RFX3: variants seen among roughly 807,000 people sequenced by gnomAD.
RFX3 encodes transcription factor RFX3.
RFX3 carries 14 observed loss-of-function variants against 98.6 expected under a neutral mutation model. That is an observed-to-expected ratio of 0.14 (90% CI 0.09 to 0.22). The LOEUF (loss-of-function observed/expected upper bound fraction) is 0.22, where lower values mean the gene tolerates loss of function less well. RFX3 is among the 10% of genes least tolerant of loss of function. The pLI, the probability that RFX3 is intolerant of heterozygous loss-of-function variation, is 1.00. For synonymous variants in RFX3, 383 were observed against 328.4 expected (o/e 1.17, Z -1.80); for missense variants, 639 against 926.9 (o/e 0.69, Z 4.03).
At chr9:3,495,343 T>C (rs1463982680) in intron 1 of RFX3, among the ~76,000 whole-genome samples, 1 of 152,086 alleles carries the variant, frequency 6.6e-6, no homozygotes, top group Non-Finnish European at 1.5e-5. Flanking sequence ...AGTGGTCAAC[T>C]GTACTGTACC....
chr9:3,475,468 T>C (rs1337938706), intron 1 of RFX3, among the ~76,000 whole-genome samples: 2 of 152,052 alleles, frequency 1.3e-5, no homozygotes, highest in Non-Finnish European at 2.9e-5. Context: ...ATGAGTCACA[T>C]GTCCACTAGA....
chr9:3,301,520 G>C (rs900393250), intron 5 of RFX3, 26 bp downstream of exon 5: 8 of 1,495,890 alleles, frequency 5.3e-6, no homozygotes, highest in Middle Eastern at 1.7e-4. Context: ...CAAGAGATTA[G>C]TGTACATGAA....
intron 2 of RFX3, 145 bp downstream of exon 2, chr9:3,395,327 G>A: frequency 1.1e-6 from 1 of 874,372 alleles, no homozygotes; most frequent in Non-Finnish European, 1.8e-6. Flanking sequence ...AAATGCTCAA[G>A]AAACATTTGC....
intron 1 of RFX3, among the ~76,000 whole-genome samples, chr9:3,481,032 T>C (rs1261234246): frequency 6.6e-6 from 1 of 152,192 alleles, no homozygotes; most frequent in East Asian, 1.9e-4. Context: ...TACATTATGT[T>C]TTGTTACTAT....
At chr9:3,489,565 G>A (rs1564168014) in intron 1 of RFX3, 1 of 224,198 alleles carries the variant, frequency 4.5e-6, no homozygotes, top group African/African-American at 2.3e-5. Context: ...GCCTGCTACT[G>A]TATCATTGGC....
intron 1 of RFX3, among the ~76,000 whole-genome samples, chr9:3,504,915 A>T (rs1262624781): frequency 2.8e-5 from 2 of 71,032 alleles, no homozygotes; most frequent in African/African-American, 7.6e-5. Context: ...TATATATATA[A>T]TATAACATAT....
chr9:3,369,129 G>C (rs1018479528), intron 2 of RFX3, among the ~76,000 whole-genome samples: 10 of 152,218 alleles, frequency 6.6e-5, no homozygotes, highest in African/African-American at 9.6e-5. Context: ...ACAGTGAAGA[G>C]TGCTGGAACT....
At chr9:3,389,573 A>G (rs956618504) in intron 2 of RFX3, among the ~76,000 whole-genome samples, 1 of 152,214 alleles carries the variant, frequency 6.6e-6, no homozygotes, top group African/African-American at 2.4e-5. Context: ...GAGTATCCCT[A>G]ATCTGAAAAT....
At chr9:3,343,798 T>C (rs528608287) in intron 3 of RFX3, among the ~76,000 whole-genome samples, 1 of 152,306 alleles carries the variant, frequency 6.6e-6, no homozygotes, top group Admixed American at 6.5e-5. Flanking sequence ...CATTATTGGC[T>C]AGAGTTGAGG....
intron 2 of RFX3, among the ~76,000 whole-genome samples, chr9:3,369,282 T>A (rs182501271): frequency 2.0e-5 from 3 of 152,214 alleles, no homozygotes; most frequent in African/African-American, 7.2e-5. Flanking sequence ...TTCTGGCTCA[T>A]AGACTGACCT....
intron 1 of RFX3, among the ~76,000 whole-genome samples, chr9:3,471,348 T>C (rs943967024): frequency 5.3e-5 from 8 of 152,226 alleles, no homozygotes; most frequent in Non-Finnish European, 1.0e-4. Flanking sequence ...TCTTGGAGAA[T>C]TTAAATCACT....
rs1209829955 is a variant in RFX3 at position 3,350,161 on chromosome 9, T to G, written c.118-3397A>C. ...GGAAAATTTCTACTTTGAAAGACAC[T>G]GTGAAGAAAATGAAAAGACAAGCCA... On this transcript the variant is annotated intron_variant, in intron 2 of 16. Transcript: ENST00000617270. Among the ~76,000 whole-genome samples, 7 of 152,162 alleles carry G rather than the reference T, an allele frequency of 4.6e-5. 1 individual carries two copies. The highest frequency in any genetic ancestry group is 4.6e-4 in the Admixed American group (7 of 15,268).
At chr9:3,252,485 G>A (rs1821549387) in intron 14 of RFX3, among the ~76,000 whole-genome samples, 1 of 152,180 alleles carries the variant, frequency 6.6e-6, no homozygotes, top group Non-Finnish European at 1.5e-5. Flanking sequence ...GCAGAAACTG[G>A]ATTGAAGTGA....
At chr9:3,385,439 A>G (rs1303870755) in intron 2 of RFX3, among the ~76,000 whole-genome samples, 1 of 152,130 alleles carries the variant, frequency 6.6e-6, no homozygotes, top group African/African-American at 2.4e-5. Flanking sequence ...GGCCGGGTGC[A>G]GTGGCTCACA....
chr9:3,355,512 T>A (rs1169139809), intron 2 of RFX3, among the ~76,000 whole-genome samples: 1 of 151,862 alleles, frequency 6.6e-6, no homozygotes, highest in African/African-American at 2.4e-5. Context: ...ATCCTACATG[T>A]CTTTGCTCCT....
At chr9:3,234,691 CA>C (rs760524847) in intron 15 of RFX3, among the ~76,000 whole-genome samples, 17 of 152,050 alleles carry the variant, frequency 1.1e-4, no homozygotes, top group Non-Finnish European at 2.1e-4. Flanking sequence ...ACCCCAAAAT[CA>C]AACCACTTCA....
rs992220656 is a variant in RFX3, at chr9:3,490,318, C to G, written c.-9+35429G>C. 2.2e-5 allele frequency: 22 copies of G among 983,848 alleles called. No individual in the cohort carries two copies. In the African/African-American group the frequency reaches 3.7e-4, roughly 16 times the overall value. The allele number at this position is 983,848 out of a possible 1,614,324, so 60.9% of individuals were successfully genotyped here. On this transcript the variant is annotated intron_variant, in intron 1 of 16. Transcript: ENST00000617270. ...AGAGCCAAACTCAACGTATTCTCTACCATAAAATGCCAGAATGACCAAGTG... is the reference window on the plus strand; with the variant it reads ...AGAGCCAAACTCAACGTATTCTCTAGCATAAAATGCCAGAATGACCAAGTG...
chr9:3,250,883 C>A (rs1451830667), intron 14 of RFX3, among the ~76,000 whole-genome samples: 1 of 151,968 alleles, frequency 6.6e-6, no homozygotes, highest in Non-Finnish European at 1.5e-5. Context: ...AATTCCTACC[C>A]CCAAGTGAAT....
At chr9:3,482,873 G>C (rs1169897284) in intron 1 of RFX3, among the ~76,000 whole-genome samples, 1 of 151,968 alleles carries the variant, frequency 6.6e-6, no homozygotes, top group African/African-American at 2.4e-5. Flanking sequence ...AAAAAATCCA[G>C]CATCACTTGG....
Sources: allele counts gnomAD v4.1 joint callset (sites outside exome capture counted in the v4.1 genomes callset), GRCh38; gene constraint gnomAD v4.1.1; transcripts MANE v1.5; gene names NCBI Gene and HGNC (gene_info 2026-07-23, HGNC 2026-07-21).